The following SNX29 variants were observed in gnomAD, a reference collection of about 807,000 sequenced individuals.
SNX29 encodes sorting nexin 29, also known as sorting nexin-29.
SNX29 carries 78 observed loss-of-function variants against 102.1 expected under a neutral mutation model. The ratio of observed to expected loss-of-function variants is 0.76; its 90% CI spans 0.64 to 0.92. The LOEUF is 0.92. SNX29 is among the 40% of genes least tolerant of loss of function. The pLI, the probability that SNX29 is intolerant of heterozygous loss-of-function variation, is 0.00. For synonymous variants in SNX29, 580 were observed against 414.5 expected (o/e 1.40, Z -4.85); for missense variants, 1,280 against 1,061.7 (o/e 1.21, Z -2.86).
chr16:12,209,369 T>C (rs975201559), intron 14 of SNX29, among the ~76,000 whole-genome samples: 7 of 152,106 alleles, frequency 4.6e-5, no homozygotes, highest in Admixed American at 1.3e-4. Context: ...TTTGTATTTT[T>C]AGTAGAGACG....
intron 14 of SNX29, among the ~76,000 whole-genome samples, chr16:12,269,996 G>T (rs2079044106): frequency 6.6e-6 from 1 of 152,014 alleles, no homozygotes; most frequent in Non-Finnish European, 1.5e-5. Flanking sequence ...GAGTAGCTGG[G>T]ACTGCAGGCA....
intron 20 of SNX29, among the ~76,000 whole-genome samples, chr16:12,551,178 G>C (rs1214908394): frequency 1.3e-5 from 2 of 152,106 alleles, no homozygotes; most frequent in Admixed American, 6.6e-5. Context: ...CCATCGTGCA[G>C]ACTTCCCCAC....
chr16:12,372,352 G>T (rs904271446), intron 16 of SNX29, among the ~76,000 whole-genome samples: 7 of 152,180 alleles, frequency 4.6e-5, no homozygotes, highest in African/African-American at 1.4e-4. Context: ...GTTTTGGTAG[G>T]TACGTTTCTA....
At chr16:12,417,415 G>C (rs1207481519) in intron 18 of SNX29, among the ~76,000 whole-genome samples, 1 of 152,174 alleles carries the variant, frequency 6.6e-6, no homozygotes, top group African/African-American at 2.4e-5. Flanking sequence ...AGGGCCAGGG[G>C]CAATGAGGAC....
At chr16:12,558,742 T>G (rs2078532562) in intron 20 of SNX29, among the ~76,000 whole-genome samples, 1 of 152,212 alleles carries the variant, frequency 6.6e-6, no homozygotes. Context: ...ACCACTAGGC[T>G]GTCCCAGGCC....
chr16:12,132,907 G>C (rs1026938456), intron 13 of SNX29, among the ~76,000 whole-genome samples: 2 of 152,246 alleles, frequency 1.3e-5, no homozygotes, highest in Admixed American at 6.5e-5. Context: ...GTTCCAGATA[G>C]AGTTAACCTC....
Position 12,312,510 on chromosome 16 carries a change from T to C in SNX29, c.1782+34474T>C, listed in dbSNP as rs116782854. ...ATGTAGATGAAAATGAAGTGTCCCATTGAGGCAGGTTTTACCCGGAAATAA... is the reference window on the plus strand; with the variant it reads ...ATGTAGATGAAAATGAAGTGTCCCACTGAGGCAGGTTTTACCCGGAAATAA... On this transcript the variant is annotated intron_variant, in intron 15 of 20. Transcript: ENST00000566228. Among the ~76,000 whole-genome samples the C allele has an allele frequency of 3.5e-3, 529 of 152,192 alleles. 5 individuals are homozygous for C. Among genetic ancestry groups the C allele is most frequent in the African/African-American group, 0.012 (505 of 41,522 alleles).
chr16:12,356,009 C>G (rs1173712331), intron 15 of SNX29, among the ~76,000 whole-genome samples, 154 bp from the exon 16 acceptor site: 2 of 152,056 alleles, frequency 1.3e-5, no homozygotes, highest in Non-Finnish European at 2.9e-5. Context: ...GGGTGGATTG[C>G]ATGGTTCACA....
chr16:12,020,738 C>T (rs956953525), intron 3 of SNX29, among the ~76,000 whole-genome samples: 1 of 151,654 alleles, frequency 6.6e-6, no homozygotes, highest in South Asian at 2.1e-4. Flanking sequence ...ATTCTCCTGT[C>T]TCAGCCACCT....
At position 12,050,655 on chromosome 16, in the gene SNX29, A is replaced by C. The variant is rs114535149; in HGVS notation, c.749-1192A>C. 4.0e-3 allele frequency among the ~76,000 whole-genome samples: 612 copies of C among 152,250 alleles called. 4 individuals carry two copies. The highest frequency in any genetic ancestry group is 0.014 in the African/African-American group (572 of 41,558). The stretch of plus-strand genomic sequence containing the variant: ...GTCAGGGCCACTGTCCAGGAAAGCA[A>C]AGGCAAAGCTGAGACCTTTTAACAC... On this transcript the variant is annotated intron_variant, in intron 7 of 20. Coordinates refer to ENST00000566228, the MANE Select transcript of SNX29 (RefSeq NM_032167.5).
At chr16:12,283,376 G>A (rs748668475) in intron 15 of SNX29, among the ~76,000 whole-genome samples, 31 of 149,630 alleles carry the variant, frequency 2.1e-4, no homozygotes, top group Non-Finnish European at 2.8e-4. Context: ...CTGGAGTGTA[G>A]TGGCGTGATC....
chr16:12,220,046 T>G (rs963649699), intron 14 of SNX29, among the ~76,000 whole-genome samples: 1 of 152,232 alleles, frequency 6.6e-6, no homozygotes, highest in African/African-American at 2.4e-5. Context: ...AGACAAGCCT[T>G]GAAAACTGAT....
intron 11 of SNX29, among the ~76,000 whole-genome samples, chr16:12,124,236 A>G (rs1396573879): frequency 1.3e-5 from 2 of 152,124 alleles, no homozygotes; most frequent in Middle Eastern, 3.4e-3. Flanking sequence ...GGCGCCTGTA[A>G]TCTCAGGTAC....
intron 10 of SNX29, among the ~76,000 whole-genome samples, chr16:12,075,268 C>T (rs910613272): frequency 6.6e-6 from 1 of 152,208 alleles, no homozygotes; most frequent in East Asian, 1.9e-4. Flanking sequence ...AGTTTTTCTG[C>T]TCTGTTTTTT....
At chr16:12,321,052 C>T (rs2080914633) in intron 15 of SNX29, among the ~76,000 whole-genome samples, 1 of 152,176 alleles carries the variant, frequency 6.6e-6, no homozygotes, top group African/African-American at 2.4e-5. Flanking sequence ...CTCATCTAGC[C>T]TCCTCCAGGA....
At chr16:12,138,293 C>T (rs1014336478) in intron 13 of SNX29, among the ~76,000 whole-genome samples, 9 of 151,424 alleles carry the variant, frequency 5.9e-5, no homozygotes, top group East Asian at 5.8e-4. Context: ...CTGCAACCTC[C>T]GCTTCCCAGG....
At chr16:12,262,802 A>T (rs944256606) in intron 14 of SNX29, among the ~76,000 whole-genome samples, 1 of 152,240 alleles carries the variant, frequency 6.6e-6, no homozygotes, top group African/African-American at 2.4e-5. Flanking sequence ...TTCTAAGTGT[A>T]TAATTCATTG....
chr16:12,505,521 G>A (rs1354771291), intron 19 of SNX29, among the ~76,000 whole-genome samples: 1 of 152,018 alleles, frequency 6.6e-6, no homozygotes, highest in Admixed American at 6.5e-5. Flanking sequence ...ATCTTATTTT[G>A]TATATTCGAG....
intron 20 of SNX29, among the ~76,000 whole-genome samples, chr16:12,542,148 C>T (rs1446238100): frequency 1.3e-5 from 2 of 152,132 alleles, no homozygotes; most frequent in South Asian, 2.1e-4. Flanking sequence ...GCCCACGCTA[C>T]CTGGGCTCCT....
Sources: gnomAD v4.1 joint callset for allele counts (sites outside exome capture counted in the v4.1 genomes callset) on GRCh38, gnomAD v4.1.1 for gene constraint, MANE v1.5 for transcripts, NCBI Gene and HGNC (gene_info 2026-07-23, HGNC 2026-07-21) for gene names.